TAFA1: variants seen among roughly 807,000 people sequenced by gnomAD.
TAFA1 encodes the protein TAFA chemokine like family member 1.
A neutral mutation model predicts 18.5 loss-of-function variants in TAFA1; 4 were observed. That is an observed-to-expected ratio of 0.22 (90% CI 0.11 to 0.49). The LOEUF (loss-of-function observed/expected upper bound fraction) is 0.49. Among genes scored for constraint, TAFA1 ranks in the 20% least tolerant of loss-of-function variants. The pLI is 0.98. For synonymous variants in TAFA1, 56 were observed against 55.2 expected (o/e 1.01, Z -0.06); for missense variants, 147 against 169.0 (o/e 0.87, Z 0.72).
intron 2 of TAFA1, among the ~76,000 whole-genome samples, chr3:68,409,339 A>G (rs1181550886): frequency 1.3e-5 from 2 of 152,138 alleles, no homozygotes; most frequent in Admixed American, 1.3e-4. Context: ...CCCAAATCAC[A>G]TCTCGAATTG....
intron 2 of TAFA1, among the ~76,000 whole-genome samples, chr3:68,220,262 T>C (rs2066713101): frequency 6.6e-6 from 1 of 152,146 alleles, no homozygotes. Flanking sequence ...TATATAAAGA[T>C]TGTCTGCAAA....
At chr3:68,381,486 A>G (rs1028833317) in intron 2 of TAFA1, among the ~76,000 whole-genome samples, 2 of 152,150 alleles carry the variant, frequency 1.3e-5, no homozygotes, top group African/African-American at 2.4e-5. Flanking sequence ...GGTCCTTCAC[A>G]TCCCTTGTAA....
intron 2 of TAFA1, among the ~76,000 whole-genome samples, chr3:68,132,149 T>A (rs2065547983): frequency 6.6e-6 from 1 of 152,158 alleles, no homozygotes; most frequent in Non-Finnish European, 1.5e-5. Flanking sequence ...TCTGTTTCTG[T>A]GTTAGTTTGC....
chr3:68,259,835 G>A (rs1392067802), intron 2 of TAFA1, among the ~76,000 whole-genome samples: 1 of 152,002 alleles, frequency 6.6e-6, no homozygotes, highest in Non-Finnish European at 1.5e-5. Context: ...AGGAGATTTT[G>A]GGCTGAGACA....
chr3:68,471,811 A>G (rs899680209), intron 3 of TAFA1, among the ~76,000 whole-genome samples: 2 of 152,218 alleles, frequency 1.3e-5, no homozygotes, highest in Non-Finnish European at 2.9e-5. Flanking sequence ...GACATTCAAT[A>G]TTAACCATCA....
At chr3:68,060,235 T>G (rs1176111641) in intron 2 of TAFA1, among the ~76,000 whole-genome samples, 2 of 151,782 alleles carry the variant, frequency 1.3e-5, no homozygotes, top group Non-Finnish European at 2.9e-5. Context: ...TTTCAGAATC[T>G]CCTTTTTCCC....
chr3:68,041,402 A>C (rs1253533615), intron 2 of TAFA1, among the ~76,000 whole-genome samples: 1 of 152,252 alleles, frequency 6.6e-6, no homozygotes, highest in African/African-American at 2.4e-5. Context: ...TGCAATGGCA[A>C]CATTCTTACT....
chr3:68,474,891 T>G (rs1243864707), intron 3 of TAFA1, among the ~76,000 whole-genome samples: 1 of 152,158 alleles, frequency 6.6e-6, no homozygotes, highest in Non-Finnish European at 1.5e-5. Flanking sequence ...TTTATCACAT[T>G]AGAGTGGCTT....
At chr3:68,411,162 A>T (rs1402572020) in intron 2 of TAFA1, among the ~76,000 whole-genome samples, 1 of 152,164 alleles carries the variant, frequency 6.6e-6, no homozygotes, top group African/African-American at 2.4e-5. Flanking sequence ...TTATAATAGG[A>T]ATTGTATGTC....
intron 2 of TAFA1, among the ~76,000 whole-genome samples, chr3:68,354,329 C>T (rs930727448): frequency 4.6e-5 from 7 of 151,934 alleles, no homozygotes; most frequent in African/African-American, 1.7e-4. Context: ...TTCACACTTC[C>T]CTTGACAGCT....
At chr3:68,282,385 A>G (rs1329735460) in intron 2 of TAFA1, among the ~76,000 whole-genome samples, 1 of 151,678 alleles carries the variant, frequency 6.6e-6, no homozygotes, top group Admixed American at 6.6e-5. Flanking sequence ...TAATCCTTCC[A>G]ATGACTTTGT....
intron 2 of TAFA1, among the ~76,000 whole-genome samples, chr3:68,012,348 C>T (rs1003263787): frequency 6.6e-6 from 1 of 152,056 alleles, no homozygotes; most frequent in African/African-American, 2.4e-5. Context: ...GTTTCATCTC[C>T]GTCAAAAGGG....
At chr3:68,363,331 TCCTGGGTTGCA>T (rs1473091638) in intron 2 of TAFA1, among the ~76,000 whole-genome samples, 1 of 152,126 alleles carries the variant, frequency 6.6e-6, no homozygotes, top group African/African-American at 2.4e-5. Flanking sequence ...CCACGATGGG[TCCTGGGTTGCA>T]CCTTTCTGTC....
At chr3:68,168,966 C>A (rs980932711) in intron 2 of TAFA1, among the ~76,000 whole-genome samples, 1 of 152,142 alleles carries the variant, frequency 6.6e-6, no homozygotes, top group Non-Finnish European at 1.5e-5. Context: ...GGAATGCATG[C>A]CATTTCCTCT....
intron 2 of TAFA1, among the ~76,000 whole-genome samples, chr3:68,358,189 A>G (rs886973162): frequency 8.6e-5 from 13 of 151,976 alleles, no homozygotes; most frequent in African/African-American, 3.1e-4. Context: ...CTATGCTTAT[A>G]TGACTTTCTG....
chr3:68,302,107 T>C (rs935351728), intron 2 of TAFA1, among the ~76,000 whole-genome samples: 1 of 152,218 alleles, frequency 6.6e-6, no homozygotes, highest in Non-Finnish European at 1.5e-5. Context: ...GAAGATCAGG[T>C]GTTTTCTTTT....
intron 2 of TAFA1, among the ~76,000 whole-genome samples, chr3:68,087,539 C>G (rs1471947795): frequency 2.1e-5 from 3 of 140,740 alleles, no homozygotes; most frequent in Non-Finnish European, 4.7e-5. Flanking sequence ...TCCCTCCCTC[C>G]CTCCTTCCCT....
chr3:68,027,009 A>G (rs1704830504), intron 2 of TAFA1, among the ~76,000 whole-genome samples: 2 of 151,984 alleles, frequency 1.3e-5, no homozygotes, highest in Admixed American at 6.6e-5. Flanking sequence ...TAGGAGGAAG[A>G]GAGAGAGGGG....
chr3:68,060,204 T>TG (rs2064585215), intron 2 of TAFA1, among the ~76,000 whole-genome samples: 3 of 150,132 alleles, frequency 2.0e-5, no homozygotes, highest in Admixed American at 1.3e-4. Context: ...GTGTGTGTGT[T>TG]TGTGTGTGTG....
Sources: allele counts gnomAD v4.1 joint callset (sites outside exome capture counted in the v4.1 genomes callset), GRCh38; gene constraint gnomAD v4.1.1; transcripts MANE v1.5; gene names NCBI Gene and HGNC (gene_info 2026-07-23, HGNC 2026-07-21).